TMEM163: variants seen among roughly 807,000 people sequenced by gnomAD.
The protein encoded by TMEM163 is transmembrane protein 163.
In TMEM163, 17 loss-of-function variants were observed where a neutral mutation model predicts 29.3. The observed-to-expected ratio is 0.58, with a 90% CI of 0.40 to 0.87. TMEM163 has a LOEUF of 0.87. Among genes scored for constraint, TMEM163 ranks in the 40% least tolerant of loss-of-function variants. The pLI, the probability that TMEM163 is intolerant of heterozygous loss-of-function variation, is 0.00. For synonymous variants in TMEM163, 157 were observed against 160.6 expected (o/e 0.98, Z 0.17); for missense variants, 303 against 381.5 (o/e 0.79, Z 1.71).
intron 5 of TMEM163, among the ~76,000 whole-genome samples, chr2:134,492,993 C>T (rs899572543): frequency 2.0e-5 from 3 of 152,144 alleles, no homozygotes; most frequent in Non-Finnish European, 2.9e-5. Flanking sequence ...AGATGCATCA[C>T]ACAAATTTTG....
chr2:134,611,430 C>T (rs1682501797), intron 2 of TMEM163, among the ~76,000 whole-genome samples: 1 of 152,180 alleles, frequency 6.6e-6, no homozygotes, highest in African/African-American at 2.4e-5. Flanking sequence ...GCTTTGACAG[C>T]TATTTCTATG....
At chr2:134,695,295 C>G (rs1025385551) in intron 2 of TMEM163, among the ~76,000 whole-genome samples, 3 of 152,036 alleles carry the variant, frequency 2.0e-5, no homozygotes, top group African/African-American at 4.8e-5. Flanking sequence ...CCAGGCTGGT[C>G]TCGAACCCCT....
intron 1 of TMEM163, among the ~76,000 whole-genome samples, chr2:134,714,236 G>A (rs2104901947): frequency 6.6e-6 from 1 of 152,226 alleles, no homozygotes; most frequent in Middle Eastern, 3.4e-3. Flanking sequence ...GTTGCACACA[G>A]TACCACATTT....
chr2:134,698,109 T>C (rs1684619861), intron 2 of TMEM163, among the ~76,000 whole-genome samples: 1 of 152,192 alleles, frequency 6.6e-6, no homozygotes, highest in Non-Finnish European at 1.5e-5. Flanking sequence ...TGAGGGGCTG[T>C]CCTGTGTACT....
intron 4 of TMEM163, among the ~76,000 whole-genome samples, chr2:134,522,361 C>A (rs576204026): frequency 6.6e-6 from 1 of 152,212 alleles, no homozygotes. Context: ...AGAAGGAATG[C>A]GTTTGAATTT....
intron 1 of TMEM163, among the ~76,000 whole-genome samples, chr2:134,713,827 C>T (rs1024211323): frequency 6.6e-6 from 1 of 152,178 alleles, no homozygotes; most frequent in African/African-American, 2.4e-5. Flanking sequence ...GACCTCACTG[C>T]TCCCCCAACA....
chr2:134,674,375 C>T (rs1426016719), intron 2 of TMEM163, among the ~76,000 whole-genome samples: 3 of 124,150 alleles, frequency 2.4e-5, no homozygotes, highest in East Asian at 2.4e-4. Flanking sequence ...GACAGAGTAT[C>T]GCTCTGTCAC....
chr2:134,708,178 T>C (rs1251791725), intron 2 of TMEM163, among the ~76,000 whole-genome samples: 2 of 152,186 alleles, frequency 1.3e-5, no homozygotes, highest in East Asian at 3.9e-4. Flanking sequence ...TGAGCCACCA[T>C]GCCTGGCCAA....
chr2:134,679,462 T>C (rs1684184964), intron 2 of TMEM163, among the ~76,000 whole-genome samples: 1 of 152,138 alleles, frequency 6.6e-6, no homozygotes, highest in Non-Finnish European at 1.5e-5. Context: ...GGCCACCCAC[T>C]TCAATCATTT....
chr2:134,595,836 T>C lies in TMEM163; in HGVS notation c.323-43745A>G, dbSNP rs550718103. Reference sequence around the variant, plus strand: ...ACTGGTGTGAGATAGTAACTCATTGTGGTTTTGATTTGCATTTCTCTGATG... The same window carrying C: ...ACTGGTGTGAGATAGTAACTCATTGCGGTTTTGATTTGCATTTCTCTGATG... On this transcript the variant is annotated intron_variant, in intron 2 of 7. Coordinates refer to ENST00000281924, the MANE Select transcript of TMEM163 (RefSeq NM_030923.5). Among the ~76,000 whole-genome samples, 35 of 152,372 alleles carry C rather than the reference T, an allele frequency of 2.3e-4. 1 individual carries two copies. The South Asian group carries it at 7.0e-3, about 31-fold the overall frequency.
intron 4 of TMEM163, among the ~76,000 whole-genome samples, chr2:134,521,644 C>T (rs1009896833): frequency 1.7e-4 from 26 of 152,164 alleles, no homozygotes; most frequent in African/African-American, 6.0e-4. Flanking sequence ...GCCAACAGAA[C>T]CAAATTGGGT....
intron 5 of TMEM163, among the ~76,000 whole-genome samples, chr2:134,474,694 A>C (rs1686876114): frequency 6.6e-6 from 1 of 152,200 alleles, no homozygotes; most frequent in Non-Finnish European, 1.5e-5. Flanking sequence ...CCAAGTTAGC[A>C]AGTAAAACTC....
At chr2:134,580,496 T>C (rs1421590260) in intron 2 of TMEM163, among the ~76,000 whole-genome samples, 1 of 152,354 alleles carries the variant, frequency 6.6e-6, no homozygotes, top group East Asian at 1.9e-4. Context: ...CCCCACATAC[T>C]ATATACTATA....
intron 4 of TMEM163, among the ~76,000 whole-genome samples, chr2:134,516,866 A>T (rs1253089842): frequency 6.6e-6 from 1 of 151,030 alleles, no homozygotes; most frequent in Non-Finnish European, 1.5e-5. Context: ...AAGGACCGCA[A>T]GACTAAAATG....
At chr2:134,531,712 T>A (rs77771818) in intron 4 of TMEM163, among the ~76,000 whole-genome samples, 40 of 152,138 alleles carry the variant, frequency 2.6e-4, no homozygotes, top group African/African-American at 9.2e-4. Context: ...CCATGCCCTC[T>A]GGGGTGCACC....
chr2:134,580,247 C>A (rs1189334695), intron 2 of TMEM163, among the ~76,000 whole-genome samples: 1 of 152,166 alleles, frequency 6.6e-6, no homozygotes, highest in Non-Finnish European at 1.5e-5. Flanking sequence ...AGTTAGAATT[C>A]ATTAAGGGCT....
At chr2:134,595,270 C>G (rs1682047163) in intron 2 of TMEM163, among the ~76,000 whole-genome samples, 1 of 152,036 alleles carries the variant, frequency 6.6e-6, no homozygotes, top group Non-Finnish European at 1.5e-5. Flanking sequence ...CCACTCCCCC[C>G]AACCCCACAA....
chr2:134,705,270 G>A (rs532186386), intron 2 of TMEM163, among the ~76,000 whole-genome samples: 1 of 152,086 alleles, frequency 6.6e-6, no homozygotes, highest in South Asian at 2.1e-4. Flanking sequence ...AAATGCAGTT[G>A]TATTTGGAGA....
chr2:134,539,607 T>C (rs148758139), intron 4 of TMEM163, among the ~76,000 whole-genome samples: 303 of 152,252 alleles, frequency 2.0e-3, no homozygotes, highest in East Asian at 2.9e-3. Flanking sequence ...TTCCAGAAAA[T>C]TTAAAAAGTC....
Sources: allele counts gnomAD v4.1 joint callset (sites outside exome capture counted in the v4.1 genomes callset), GRCh38; gene constraint gnomAD v4.1.1; transcripts MANE v1.5; gene names NCBI Gene and HGNC (gene_info 2026-07-23, HGNC 2026-07-21).